Variants in YEATS2 observed in about 807,000 individuals in gnomAD.
YEATS2 encodes YEATS domain-containing protein 2.
A neutral mutation model predicts 163.2 loss-of-function variants in YEATS2; 77 were observed. The ratio of observed to expected loss-of-function variants is 0.47; its 90% CI spans 0.39 to 0.57. The LOEUF (loss-of-function observed/expected upper bound fraction) is 0.57, where lower values mean the gene tolerates loss of function less well. YEATS2 is among the 20% of genes least tolerant of loss of function. The pLI is 0.00. For synonymous variants in YEATS2, 631 were observed against 645.1 expected, an observed-to-expected ratio of 0.98 and a Z score of 0.33; for missense variants, 1,549 against 1,729.8, an observed-to-expected ratio of 0.90 and a Z score of 1.85.
chr3:183,775,380 G>C (rs988116009), intron 17 of YEATS2, among the ~76,000 whole-genome samples: 1 of 152,200 alleles, frequency 6.6e-6, no homozygotes, highest in Non-Finnish European at 1.5e-5. Flanking sequence ...GGCGGATCAT[G>C]AGGTCAGGAG....
At chr3:183,725,301 A>G (rs1202550311) in intron 6 of YEATS2, among the ~76,000 whole-genome samples, 2 of 152,106 alleles carry the variant, frequency 1.3e-5, no homozygotes. Context: ...ATTGTTAGGT[A>G]TTTGAAAGCC....
intron 6 of YEATS2, among the ~76,000 whole-genome samples, chr3:183,724,789 C>T (rs549229839): frequency 6.6e-6 from 1 of 152,144 alleles, no homozygotes; most frequent in Non-Finnish European, 1.5e-5. Context: ...GTTGTCCAGA[C>T]CAGAATGCAA....
chr3:183,702,812 C>T (rs930118425), intron 1 of YEATS2, among the ~76,000 whole-genome samples: 11 of 149,302 alleles, frequency 7.4e-5, no homozygotes, highest in Admixed American at 4.8e-4. Flanking sequence ...CCATCCTGGG[C>T]GACAGCAAGA....
chr3:183,715,413 A>G (rs1233544285), intron 2 of YEATS2, 151 bp downstream of exon 2: 3 of 606,916 alleles, frequency 4.9e-6, no homozygotes, highest in Non-Finnish European at 8.8e-6. Flanking sequence ...TTTAATAGTA[A>G]TACACCATGT....
intron 19 of YEATS2, among the ~76,000 whole-genome samples, chr3:183,782,946 G>A (rs1363683656): frequency 2.0e-5 from 3 of 152,254 alleles, no homozygotes; most frequent in African/African-American, 7.2e-5. Flanking sequence ...CTATCCCAGA[G>A]TAATATGAGG....
intron 15 of YEATS2, among the ~76,000 whole-genome samples, chr3:183,766,532 C>A (rs76227161): frequency 6.6e-6 from 1 of 152,102 alleles, no homozygotes; most frequent in Admixed American, 6.6e-5. Flanking sequence ...AAGCATGAAT[C>A]GAAGTTAAGT....
intron 8 of YEATS2, among the ~76,000 whole-genome samples, chr3:183,742,762 T>C (rs1477408457): frequency 6.6e-6 from 1 of 152,216 alleles, no homozygotes; most frequent in African/African-American, 2.4e-5. Context: ...GATAAAACAC[T>C]GTCAAACAGC....
chr3:183,808,306 T>C (rs1726434481), intron 29 of YEATS2: 1 of 566,476 alleles, frequency 1.8e-6, no homozygotes, highest in Admixed American at 3.3e-5. Context: ...CTCTGAGTCA[T>C]GTGGTTTCAG....
intron 15 of YEATS2, among the ~76,000 whole-genome samples, chr3:183,769,776 T>C (rs1722267071): frequency 6.6e-6 from 1 of 152,066 alleles, no homozygotes; most frequent in South Asian, 2.1e-4. Context: ...CACTGCAACC[T>C]CCGACTCCCA....
chr3:183,750,487 G>C (rs1720048726), intron 9 of YEATS2, among the ~76,000 whole-genome samples: 1 of 152,184 alleles, frequency 6.6e-6, no homozygotes, highest in African/African-American at 2.4e-5. Flanking sequence ...TCTATTTTTA[G>C]AGGAACCACT....
chr3:183,708,390 G>A (rs1323549797), intron 1 of YEATS2, among the ~76,000 whole-genome samples: 1 of 152,022 alleles, frequency 6.6e-6, no homozygotes, highest in African/African-American at 2.4e-5. Context: ...TATATGATGT[G>A]TTTGCAAAAC....
intron 15 of YEATS2, among the ~76,000 whole-genome samples, chr3:183,767,873 T>G (rs1722067246): frequency 6.6e-6 from 1 of 152,154 alleles, no homozygotes; most frequent in Non-Finnish European, 1.5e-5. Context: ...CTGAAAACTC[T>G]GAAGCACTTG....
intron 2 of YEATS2, 66 bp from the exon 3 acceptor site, chr3:183,717,585 G>A (rs1716030753): frequency 8.4e-7 from 1 of 1,192,778 alleles, no homozygotes; most frequent in African/African-American, 1.6e-5. Flanking sequence ...TTTGTTGCTT[G>A]CTGACTTAAA....
intron 15 of YEATS2, among the ~76,000 whole-genome samples, chr3:183,765,558 C>G (rs1004664844): frequency 6.6e-6 from 1 of 152,110 alleles, no homozygotes; most frequent in African/African-American, 2.4e-5. Flanking sequence ...CACTGTTTAC[C>G]CAGGAAATGG....
intron 27 of YEATS2, 116 bp downstream of exon 27, chr3:183,804,304 C>A: frequency 8.0e-7 from 1 of 1,253,344 alleles, no homozygotes; most frequent in South Asian, 1.4e-5. Flanking sequence ...TTCCTACCTC[C>A]TGCCGTGTCC....
rs1353211679 is a variant in YEATS2, at chr3:183,718,480, G to A, written c.199-20G>A. On this transcript the variant is annotated intron_variant, in intron 3 of 30. Transcript: ENST00000305135. Reference sequence around the variant, plus strand: ...TATAATTGCCGTTTTTTAAAGTAATGAGTTAACATTTGTTTTTAGCGACTG... The same window carrying A: ...TATAATTGCCGTTTTTTAAAGTAATAAGTTAACATTTGTTTTTAGCGACTG... 1.3e-6 allele frequency: 2 copies of A among 1,585,104 alleles called. No homozygotes were observed. Among genetic ancestry groups the A allele is most frequent in the Non-Finnish European group, 1.7e-6 (2 of 1,163,298 alleles).
intron 19 of YEATS2, among the ~76,000 whole-genome samples, chr3:183,780,050 CAG>C (rs1723419615): frequency 6.8e-6 from 1 of 146,370 alleles, no homozygotes; most frequent in African/African-American, 2.6e-5. Flanking sequence ...CAAGATCTAA[CAG>C]AGAAAACTTT....
In YEATS2 at chr3:183,754,731, G is replaced by T. The variant is rs76176637; in HGVS notation, c.1390+366G>T. On this transcript the variant is annotated intron_variant, in intron 11 of 30. Coordinates refer to ENST00000305135, the MANE Select transcript of YEATS2 (RefSeq NM_018023.5). ...GATAGAAAAAATTTAGAGGCCTTTG[G>T]CATGGAGTTAAATTTTAAGGGTTAG... Among the ~76,000 whole-genome samples the T allele has an allele frequency of 3.6e-3, 553 of 152,248 alleles. 11 individuals are homozygous for T. The highest frequency in any genetic ancestry group is 0.032 in the East Asian group (167 of 5,176).
intron 21 of YEATS2, among the ~76,000 whole-genome samples, chr3:183,794,079 C>T (rs1330705422): frequency 6.6e-6 from 1 of 152,150 alleles, no homozygotes; most frequent in Non-Finnish European, 1.5e-5. Context: ...CACGCAGGGG[C>T]TGTGTGGGGT....
Sources: gnomAD v4.1 joint callset for allele counts (sites outside exome capture counted in the v4.1 genomes callset) on GRCh38, gnomAD v4.1.1 for gene constraint, MANE v1.5 for transcripts, NCBI Gene and HGNC (gene_info 2026-07-23, HGNC 2026-07-21) for gene names.